Variants in FRMD3 observed in about 807,000 individuals in gnomAD.
The protein encoded by FRMD3 is FERM domain containing 3, also known as FERM domain-containing protein 3.
In FRMD3, 33 loss-of-function variants were observed where a neutral mutation model predicts 70.2. The observed-to-expected ratio is 0.47, with a 90% CI of 0.36 to 0.63. The LOEUF (loss-of-function observed/expected upper bound fraction) is 0.63, where lower values mean the gene tolerates loss of function less well. FRMD3 is among the 20% of genes least tolerant of loss of function. FRMD3 has a pLI of 0.00. For missense variants in FRMD3, 632 were observed against 711.4 expected, an observed-to-expected ratio of 0.89 and a Z score of 1.27; for synonymous variants, 279 against 255.9, an observed-to-expected ratio of 1.09 and a Z score of -0.86.
chr9:83,444,553 T>C (rs1262998362), intron 1 of FRMD3, among the ~76,000 whole-genome samples: 1 of 152,218 alleles, frequency 6.6e-6, no homozygotes, highest in Non-Finnish European at 1.5e-5. Context: ...TAGTTCTCCC[T>C]GTCCCAAAAC....
intron 3 of FRMD3, 86 bp from the exon 4 acceptor site, chr9:83,349,843 G>A: frequency 1.0e-6 from 1 of 989,182 alleles, no homozygotes; most frequent in Non-Finnish European, 1.6e-6. Flanking sequence ...CGTGCAGCCT[G>A]ACAGACTAGC....
chr9:83,583,993 T>C, the FRMD3 span, among the ~76,000 whole-genome samples: 4 of 152,168 alleles, frequency 2.6e-5, no homozygotes, highest in Non-Finnish European at 4.4e-5. Flanking sequence ...CGATAGTGAT[T>C]CCTCTTCTGC....
At position 83,310,586 on chromosome 9, in the gene FRMD3, T is replaced by G. The variant is rs748670919; in HGVS notation, c.774-38A>C. The G allele has an allele frequency of 5.2e-6, 8 of 1,536,690 alleles. No homozygotes were observed. In the South Asian group the frequency reaches 8.4e-5, roughly 16 times the overall value. On this transcript the variant is annotated intron_variant, in intron 8 of 13. Coordinates refer to ENST00000304195, the MANE Select transcript of FRMD3 (RefSeq NM_174938.6). ...AATCTCTGGGTAAGAAGAAAAAAAG[T>G]GGCAGCTAACCAAGGTACCTGGGTT...
intron 1 of FRMD3, among the ~76,000 whole-genome samples, chr9:83,440,595 T>A (rs1175008602): frequency 6.6e-6 from 1 of 152,188 alleles, no homozygotes; most frequent in South Asian, 2.1e-4. Context: ...AACATTACTA[T>A]CCAATTCTTC....
the FRMD3 span, among the ~76,000 whole-genome samples, chr9:83,556,223 G>C: frequency 1.3e-5 from 2 of 151,728 alleles, no homozygotes; most frequent in Middle Eastern, 3.4e-3. Flanking sequence ...AAAGAAAAAT[G>C]GTTTATTAAA....
intron 1 of FRMD3, among the ~76,000 whole-genome samples, chr9:83,421,510 G>A (rs994361554): frequency 6.6e-6 from 1 of 152,172 alleles, no homozygotes. Context: ...CAGAAAGGGG[G>A]TAGCAGAGCA....
chr9:83,484,878 T>A (rs764623174), intron 1 of FRMD3, among the ~76,000 whole-genome samples: 5 of 152,224 alleles, frequency 3.3e-5, no homozygotes, highest in Non-Finnish European at 2.9e-5. Flanking sequence ...ACACTCCATC[T>A]TATAGACATA....
chr9:83,580,388 AATAAAG>A, the FRMD3 span, among the ~76,000 whole-genome samples: 109 of 152,266 alleles, frequency 7.2e-4, 2 homozygotes, highest in East Asian at 0.018. Context: ...CAGATAAATG[AATAAAG>A]ATAATGTATG....
At position 83,244,962 on chromosome 9, in the gene FRMD3, T is replaced by G; in HGVS notation, c.*2956A>C. On this transcript the variant is annotated 3_prime_UTR_variant, in exon 14 of 14. Transcript: ENST00000304195. Reference sequence around the variant, plus strand: ...AGGCAATATTGTGTGTGTATATGTATTTGCCATATGTGTGTGTGTATTATA... The same window carrying G: ...AGGCAATATTGTGTGTGTATATGTAGTTGCCATATGTGTGTGTGTATTATA... 1.0e-6 allele frequency: 1 copy of G among 982,590 alleles called. No homozygotes were observed. The highest frequency in any genetic ancestry group is 1.2e-6 in the Non-Finnish European group (1 of 827,362). 60.9% of individuals were successfully genotyped at this position (982,590 alleles called of 1,614,324 possible). A position where few individuals can be genotyped will look rare whatever the true frequency, so the allele number is the denominator to read the frequency against.
intron 10 of FRMD3, among the ~76,000 whole-genome samples, chr9:83,308,800 C>A: frequency 6.6e-6 from 1 of 152,174 alleles, no homozygotes; most frequent in Admixed American, 6.5e-5. Context: ...ACACTGAAGC[C>A]TTCTTACTAT....
intron 13 of FRMD3, among the ~76,000 whole-genome samples, chr9:83,271,223 T>C (rs1833539188): frequency 6.6e-6 from 1 of 152,252 alleles, no homozygotes; most frequent in Non-Finnish European, 1.5e-5. Flanking sequence ...CAGCCATTAG[T>C]TAAAATAGTT....
At chr9:83,467,407 T>G (rs1228841482) in intron 1 of FRMD3, among the ~76,000 whole-genome samples, 3 of 152,158 alleles carry the variant, frequency 2.0e-5, no homozygotes, top group African/African-American at 7.2e-5. Context: ...GAGCTCTGGT[T>G]TGGTTTCTTG....
Position 83,510,651 on chromosome 9 carries a change from G to A in FRMD3, c.147+27434C>T, listed in dbSNP as rs192636368. On this transcript the variant is annotated intron_variant, in intron 1 of 13. Transcript: ENST00000304195. Reference sequence around the variant, plus strand: ...ACCAGTGAATGGATCAACTAACTGCGGTACGTCCATATAACGAAATAGTAT... The same window carrying A: ...ACCAGTGAATGGATCAACTAACTGCAGTACGTCCATATAACGAAATAGTAT... Among the ~76,000 whole-genome samples the A allele has an allele frequency of 1.2e-3, 190 of 152,242 alleles. 1 individual carries two copies. Among genetic ancestry groups the A allele is most frequent in the African/African-American group, 4.3e-3 (177 of 41,540 alleles).
chr9:83,271,508 G>A (rs1048432275), intron 13 of FRMD3, among the ~76,000 whole-genome samples: 1 of 152,164 alleles, frequency 6.6e-6, no homozygotes, highest in Admixed American at 6.5e-5. Context: ...ATCACTGAGA[G>A]ACTGAGAGAA....
chr9:83,357,390 TGCAA>T (rs1288657812), intron 3 of FRMD3, among the ~76,000 whole-genome samples: 1 of 149,892 alleles, frequency 6.7e-6, no homozygotes, highest in African/African-American at 2.5e-5. Flanking sequence ...AACATGCGTG[TGCAA>T]GTATCTCTTT....
Position 83,245,670 on chromosome 9 carries a change from ATAT to A in FRMD3, c.*2245_*2247del. 1 of 891,650 alleles carries A rather than the reference ATAT, an allele frequency of 1.1e-6. No homozygotes were observed. Among genetic ancestry groups the A allele is most frequent in the Non-Finnish European group, 1.3e-6 (1 of 744,636 alleles). 55.2% of individuals were successfully genotyped at this position (891,650 alleles called of 1,614,324 possible). ...TCCATAATTTAAAAAATATTATATA[ATAT>A]TATTTTGAAAGACTGAGGGCCAGAT... On this transcript the variant is annotated 3_prime_UTR_variant, in exon 14 of 14. Coordinates refer to ENST00000304195, the MANE Select transcript of FRMD3 (RefSeq NM_174938.6).
intron 1 of FRMD3, among the ~76,000 whole-genome samples, chr9:83,430,855 G>A (rs907075537): frequency 1.7e-4 from 26 of 152,358 alleles, no homozygotes; most frequent in African/African-American, 6.3e-4. Flanking sequence ...GGCTGGAGAG[G>A]AGTAACAAAC....
intron 1 of FRMD3, among the ~76,000 whole-genome samples, chr9:83,529,582 A>G (rs1004492520): frequency 3.9e-5 from 6 of 152,236 alleles, no homozygotes; most frequent in African/African-American, 1.4e-4. Flanking sequence ...ATAAGTCCTT[A>G]TTACCTTGAA....
At chr9:83,300,665 C>G (rs1006138527) in intron 10 of FRMD3, among the ~76,000 whole-genome samples, 8 of 152,124 alleles carry the variant, frequency 5.3e-5, no homozygotes, top group Non-Finnish European at 7.4e-5. Context: ...AATTGAAAAC[C>G]ATTTGTACCC....
Sources: allele counts gnomAD v4.1 joint callset (sites outside exome capture counted in the v4.1 genomes callset), GRCh38; gene constraint gnomAD v4.1.1; transcripts MANE v1.5; gene names NCBI Gene and HGNC (gene_info 2026-07-23, HGNC 2026-07-21).